The following PACRG variants were observed in gnomAD, a reference collection of about 807,000 sequenced individuals.
PACRG encodes parkin coregulated gene protein.
PACRG carries 29 observed loss-of-function variants against 29.7 expected under a neutral mutation model. That is an observed-to-expected ratio of 0.98 (90% CI 0.73 to 1.33). The LOEUF (loss-of-function observed/expected upper bound fraction) is 1.33, where lower values mean the gene tolerates loss of function less well. PACRG is among the 40% of genes most tolerant of loss of function. The probability of loss-of-function intolerance (pLI) is 0.00; values close to 1 mark genes in which losing one functional copy is unlikely to be tolerated. For missense variants in PACRG, 279 were observed against 316.2 expected, an observed-to-expected ratio of 0.88 and a Z score of 0.89; for synonymous variants, 116 against 118.7, an observed-to-expected ratio of 0.98 and a Z score of 0.15.
chr6:163,095,580 G>A (rs1814501042), intron 4 of PACRG: 1 of 396,264 alleles, frequency 2.5e-6, no homozygotes, highest in African/African-American at 2.3e-5. Context: ...CTCCGGGGAA[G>A]CCTCCTTCCT....
chr6:163,013,771 T>G (rs1418065363), intron 2 of PACRG, among the ~76,000 whole-genome samples: 1 of 152,164 alleles, frequency 6.6e-6, no homozygotes, highest in East Asian at 1.9e-4. Context: ...TTTAAATAAT[T>G]GCTGATAAAA....
At chr6:162,829,903 A>G (rs557943443) in intron 2 of PACRG, among the ~76,000 whole-genome samples, 1 of 152,090 alleles carries the variant, frequency 6.6e-6, no homozygotes, top group Non-Finnish European at 1.5e-5. Context: ...TGGACTTTAG[A>G]TTATCTTGCA....
chr6:163,195,340 T>C (rs1780403756), intron 4 of PACRG, among the ~76,000 whole-genome samples: 2 of 152,182 alleles, frequency 1.3e-5, no homozygotes, highest in Non-Finnish European at 2.9e-5. Context: ...AAGAGAGTGC[T>C]GCCAAAGAGA....
At chr6:162,779,048 G>T (rs948802578) in intron 1 of PACRG, among the ~76,000 whole-genome samples, 3 of 152,040 alleles carry the variant, frequency 2.0e-5, no homozygotes, top group Admixed American at 6.5e-5. Flanking sequence ...CCACTGACAG[G>T]CCCAATTGTA....
intron 1 of PACRG, among the ~76,000 whole-genome samples, chr6:162,810,166 A>C (rs1406066818): frequency 1.3e-5 from 2 of 152,122 alleles, no homozygotes; most frequent in Non-Finnish European, 2.9e-5. Context: ...ATCCCCACCC[A>C]GTATTAATAA....
chr6:163,110,613 C>T (rs1276023761), intron 4 of PACRG, among the ~76,000 whole-genome samples: 2 of 152,188 alleles, frequency 1.3e-5, no homozygotes, highest in South Asian at 2.1e-4. Flanking sequence ...GTCTTCACCA[C>T]AGAGCCCCTT....
chr6:163,107,155 A>G (rs1562919793), intron 4 of PACRG, among the ~76,000 whole-genome samples: 1 of 152,190 alleles, frequency 6.6e-6, no homozygotes, highest in Non-Finnish European at 1.5e-5. Flanking sequence ...GCACAAGGGC[A>G]TTTTAGTAGG....
chr6:162,895,410 C>T (rs1795095653), intron 2 of PACRG, among the ~76,000 whole-genome samples: 1 of 152,130 alleles, frequency 6.6e-6, no homozygotes, highest in African/African-American at 2.4e-5. Context: ...AGCTCATGGC[C>T]TTTGTACCAT....
intron 4 of PACRG, among the ~76,000 whole-genome samples, chr6:163,107,597 T>A (rs140630277): frequency 1.3e-5 from 2 of 152,306 alleles, no homozygotes; most frequent in Non-Finnish European, 2.9e-5. Flanking sequence ...CCTGTAACGT[T>A]CCCACTGGGG....
At chr6:162,953,931 A>G (rs1799837648) in intron 2 of PACRG, among the ~76,000 whole-genome samples, 2 of 152,220 alleles carry the variant, frequency 1.3e-5, no homozygotes, top group Non-Finnish European at 2.9e-5. Context: ...AAATCTATTA[A>G]CTATCAAGAT....
intron 2 of PACRG, among the ~76,000 whole-genome samples, chr6:162,989,722 C>CTTTTTTTTTTTTT (rs66497763): frequency 7.0e-6 from 1 of 142,042 alleles, no homozygotes. Flanking sequence ...TCAGTACTTC[C>CTTTTTTTTTTTTT]TTTTTTTTTT....
At chr6:162,834,630 A>C (rs1789065610) in intron 2 of PACRG, among the ~76,000 whole-genome samples, 1 of 151,720 alleles carries the variant, frequency 6.6e-6, no homozygotes, top group Admixed American at 6.6e-5. Context: ...TGCAAAGGGT[A>C]TCTAGTTATG....
At chr6:163,151,115 C>T (rs1374055070) in intron 4 of PACRG, among the ~76,000 whole-genome samples, 2 of 152,178 alleles carry the variant, frequency 1.3e-5, no homozygotes, top group East Asian at 1.9e-4. Flanking sequence ...TTTGCTTTAA[C>T]ATGACTGCAA....
At chr6:163,198,134 G>A (rs1039288017) in intron 4 of PACRG, among the ~76,000 whole-genome samples, 6 of 152,190 alleles carry the variant, frequency 3.9e-5, no homozygotes, top group African/African-American at 9.7e-5. Flanking sequence ...TTTTCAAGTA[G>A]GCATTTCAGT....
chr6:162,865,160 C>T lies in PACRG; in HGVS notation c.291+50879C>T, dbSNP rs140783954. Among the ~76,000 whole-genome samples the T allele has an allele frequency of 1.5e-3, 224 of 152,264 alleles. 2 individuals carry two copies. Among genetic ancestry groups the T allele is most frequent in the African/African-American group, 4.9e-3 (202 of 41,552 alleles). On this transcript the variant is annotated intron_variant, in intron 2 of 4. Coordinates refer to ENST00000366888, the MANE Select transcript of PACRG (RefSeq NM_001080379.2). Reference sequence around the variant, plus strand: ...ATGGCCAAATTCTTGCTCTGGACTGCGGCTCTCAATGATAATTGGCATATA... The same window carrying T: ...ATGGCCAAATTCTTGCTCTGGACTGTGGCTCTCAATGATAATTGGCATATA...
rs534690400 is a variant in PACRG at position 163,184,579 on chromosome 6, G to A, written c.613+95171G>A. ...TCGAAAAAGGAAGCACATAAACAAT[G>A]TTCGTATTGGCCATACTAGCTTGAA... On this transcript the variant is annotated intron_variant, in intron 4 of 4. Transcript: ENST00000366888. Among the ~76,000 whole-genome samples, 19 of 152,314 alleles carry A rather than the reference G, an allele frequency of 1.2e-4. No individual in the cohort carries two copies. The South Asian group carries it at 3.5e-3, about 28-fold the overall frequency.
At chr6:163,139,168 G>A (rs1396820660) in intron 4 of PACRG, among the ~76,000 whole-genome samples, 1 of 152,248 alleles carries the variant, frequency 6.6e-6, no homozygotes, top group African/African-American at 2.4e-5. Flanking sequence ...GCCTCCCCCA[G>A]CTTCCACTGC....
intron 4 of PACRG, among the ~76,000 whole-genome samples, chr6:163,229,022 C>T (rs1453872905): frequency 6.6e-6 from 1 of 152,164 alleles, no homozygotes; most frequent in Non-Finnish European, 1.5e-5. Context: ...AAATAGTAAA[C>T]ATTTTACTGA....
intron 4 of PACRG, among the ~76,000 whole-genome samples, chr6:163,189,084 T>A (rs779840629): frequency 2.6e-5 from 4 of 152,228 alleles, no homozygotes; most frequent in Non-Finnish European, 4.4e-5. Flanking sequence ...TGAGATGGAA[T>A]GATACTGCAG....
Sources: gnomAD v4.1 joint callset for allele counts (sites outside exome capture counted in the v4.1 genomes callset) on GRCh38, gnomAD v4.1.1 for gene constraint, MANE v1.5 for transcripts, NCBI Gene and HGNC (gene_info 2026-07-23, HGNC 2026-07-21) for gene names.